TG: variants seen among roughly 807,000 people sequenced by gnomAD.
TG encodes the protein thyroglobulin.
Under a neutral mutation model 324.7 loss-of-function variants are expected in TG, and 270 were observed. That is an observed-to-expected ratio of 0.83 (90% confidence interval 0.75 to 0.92). TG has a LOEUF of 0.92. Among genes scored for constraint, TG ranks in the 40% least tolerant of loss-of-function variants. TG has a pLI of 0.00. For missense variants in TG, 3,591 were observed against 3,456.4 expected, an observed-to-expected ratio of 1.04 and a Z score of -0.98; for synonymous variants, 1,401 against 1,327.0, an observed-to-expected ratio of 1.06 and a Z score of -1.21.
chr8:133,038,685 G>C (rs779941656), intron 41 of TG: 5 of 1,614,018 alleles, frequency 3.1e-6, no homozygotes, highest in Non-Finnish European at 4.2e-6. Context: ...TAGCTGAAAA[G>C]GGACTCGTCT....
At chr8:132,995,135 T>G in intron 35 of TG, 1 of 972,728 alleles carries the variant, frequency 1.0e-6, no homozygotes. Flanking sequence ...GATCTCAGTC[T>G]CTGTTCTAAT....
chr8:133,007,610 G>A (rs1479923060), intron 35 of TG, among the ~76,000 whole-genome samples: 6 of 152,006 alleles, frequency 3.9e-5, no homozygotes, highest in Non-Finnish European at 8.8e-5. Flanking sequence ...TTTTAGGACG[G>A]AACTCGAACT....
chr8:133,041,494 G>A (rs1838234374), intron 41 of TG, among the ~76,000 whole-genome samples: 1 of 152,162 alleles, frequency 6.6e-6, no homozygotes, highest in African/African-American at 2.4e-5. Flanking sequence ...TTAATCGGGT[G>A]GGAATCTGAA....
In TG at chr8:132,949,288, C is replaced by A. The variant is rs752814954; in HGVS notation, c.5401+345C>A. 6.7e-4 allele frequency among the ~76,000 whole-genome samples: 102 copies of A among 152,320 alleles called. 1 individual carries two copies. The highest frequency in any genetic ancestry group is 6.0e-4 in the Non-Finnish European group (41 of 68,026). ...CCCTGCTCTATGAGTTTCTCATCCT[C>A]CTCTGGAGGAACGTACTCTTCTGTA... On this transcript the variant is annotated intron_variant, in intron 27 of 47. Transcript: ENST00000220616.
chr8:132,929,029 C>G (rs748711455), intron 22 of TG, 47 bp from the exon 23 acceptor site: 9 of 1,496,492 alleles, frequency 6.0e-6, no homozygotes, highest in Non-Finnish European at 8.4e-6. Context: ...TCTGCAGATG[C>G]CCTACACCCT....
chr8:132,923,480 G>A lies in TG; in HGVS notation c.4671G>A (p.Glu1557=), dbSNP rs1384674900. Reference sequence around the variant, plus strand: ...GGAGGCTGCCATGGTGGGAAACAGAGGCCCCTCTTGAGGACTCACAGTGTT... The same window carrying A: ...GGAGGCTGCCATGGTGGGAAACAGAAGCCCCTCTTGAGGACTCACAGTGTT... ...EGRRLPWWET[E]APLEDSQCLM... is the part of the protein sequence containing the mutation. Residue 1557 remains glutamate (E), a synonymous_variant, in exon 22 of 48, where the codon GAG becomes GAA. Transcript: ENST00000220616. The A allele has an allele frequency of 3.1e-6, 5 of 1,613,856 alleles. No individual in the cohort carries two copies. The highest frequency in any genetic ancestry group is 1.7e-5 in the Admixed American group (1 of 60,004).
At chr8:132,966,469 T>TGC (rs1171658542) in intron 29 of TG, 91 bp from the exon 30 acceptor site, 4 of 1,367,286 alleles carry the variant, frequency 2.9e-6, no homozygotes, top group Non-Finnish European at 4.1e-6. Context: ...TCTCTCTCTG[T>TGC]GTGTGTGTGT....
At chr8:133,056,861 C>T (rs1030664594) in intron 41 of TG, among the ~76,000 whole-genome samples, 1 of 152,154 alleles carries the variant, frequency 6.6e-6, no homozygotes, top group African/African-American at 2.4e-5. Flanking sequence ...CTGTGGTCTG[C>T]AAGCTTTAGG....
At chr8:132,949,750 C>G (rs938104015) in intron 27 of TG, among the ~76,000 whole-genome samples, 17 of 152,188 alleles carry the variant, frequency 1.1e-4, no homozygotes, top group Non-Finnish European at 1.8e-4. Context: ...CATATAAACA[C>G]TATAGTGAGG....
At chr8:133,084,388 G>A (rs955881455) in intron 41 of TG, among the ~76,000 whole-genome samples, 2 of 152,320 alleles carry the variant, frequency 1.3e-5, no homozygotes, top group African/African-American at 4.8e-5. Flanking sequence ...CCATGTGTAT[G>A]TATGAAGTAC....
intron 34 of TG, among the ~76,000 whole-genome samples, chr8:132,982,134 C>T (rs1404311431): frequency 6.6e-6 from 1 of 152,204 alleles, no homozygotes; most frequent in Non-Finnish European, 1.5e-5. Flanking sequence ...ATCAGCTCAT[C>T]TAAACCTCGC....
At chr8:132,961,176 G>T in intron 28 of TG, 103 bp downstream of exon 28, 1 of 1,175,272 alleles carries the variant, frequency 8.5e-7, no homozygotes, top group African/African-American at 1.5e-5. Context: ...TAGAGGAATA[G>T]GTAGAGAGTC....
In TG at chr8:133,017,974, C is replaced by G; in HGVS notation, c.6759C>G (p.Gly2253=). 1.2e-6 allele frequency: 2 copies of G among 1,614,198 alleles called. No homozygotes were observed. Among genetic ancestry groups the G allele is most frequent in the Non-Finnish European group, 8.5e-7 (1 of 1,180,034 alleles). ...FQAPEPLNWT[G]SWDASKPRAS... is the part of the protein sequence containing the mutation. The stretch of plus-strand genomic sequence containing the variant: ...CACCAGAGCCCTTGAACTGGACAGG[C>G]TCCTGGGATGCCAGCAAGCCAAGGT... The change falls in exon 38 of 48, where the codon GGC becomes GGG. Residue 2253 remains glycine (G), a synonymous_variant. Coordinates refer to ENST00000220616, the MANE Select transcript of TG (RefSeq NM_003235.5).
intron 41 of TG, among the ~76,000 whole-genome samples, chr8:133,033,864 T>C (rs1456099187): frequency 6.6e-6 from 1 of 152,276 alleles, no homozygotes; most frequent in East Asian, 1.9e-4. Flanking sequence ...ATTATTTTTC[T>C]AACATCTCTC....
At chr8:133,097,617 A>ATCTT (rs982395005) in intron 43 of TG, among the ~76,000 whole-genome samples, 6 of 152,246 alleles carry the variant, frequency 3.9e-5, no homozygotes, top group Admixed American at 6.5e-5. Context: ...ACCTGTATAT[A>ATCTT]TCTTTATATT....
chr8:133,086,423 A>C (rs1846569117), intron 41 of TG, among the ~76,000 whole-genome samples: 1 of 152,252 alleles, frequency 6.6e-6, no homozygotes, highest in African/African-American at 2.4e-5. Flanking sequence ...GAAATACTGG[A>C]TAAATGTTTA....
chr8:133,001,909 C>G (rs572563564), intron 35 of TG: 57 of 985,420 alleles, frequency 5.8e-5, no homozygotes, highest in Middle Eastern at 5.2e-4. Flanking sequence ...TATTCAGGAG[C>G]AATCACTTGA....
intron 41 of TG, chr8:133,075,053 CGAG>C (rs1844653283): frequency 1.0e-6 from 1 of 985,198 alleles, no homozygotes; most frequent in Non-Finnish European, 1.2e-6. Context: ...CTGCTAGGAA[CGAG>C]GAAGGCACAG....
At chr8:133,039,964 C>G in intron 41 of TG, 1 of 1,528,900 alleles carries the variant, frequency 6.5e-7, no homozygotes. Context: ...CACACACACA[C>G]ACACACACAC....
Sources: gnomAD v4.1 joint callset for allele counts (sites outside exome capture counted in the v4.1 genomes callset) on GRCh38, gnomAD v4.1.1 for gene constraint, MANE v1.5 for transcripts, NCBI Gene and HGNC (gene_info 2026-07-23, HGNC 2026-07-21) for gene names.